The following OR1J2 variants were observed in gnomAD, a reference collection of about 807,000 sequenced individuals.
OR1J2 encodes olfactory receptor 1J2.
For missense variants in OR1J2, 304 were observed against 246.1 expected (o/e 1.24, Z -1.57); for synonymous variants, 142 against 99.7 (o/e 1.42, Z -2.52).
At chr9:122,520,372 T>C in the OR1J2 span, among the ~76,000 whole-genome samples, 1 of 152,246 alleles carries the variant, frequency 6.6e-6, no homozygotes, top group Non-Finnish European at 1.5e-5. Flanking sequence ...TTTAAATATG[T>C]TGACTAACAG....
At chr9:122,515,823 C>T (rs1828692823), downstream of OR1J2, among the ~76,000 whole-genome samples, 1 of 152,060 alleles carries the variant, frequency 6.6e-6, no homozygotes, top group Non-Finnish European at 1.5e-5. Flanking sequence ...TTGATAATTT[C>T]CTGCCTGTAA....
the OR1J2 span, among the ~76,000 whole-genome samples, chr9:122,532,930 A>G: frequency 1.3e-5 from 2 of 152,054 alleles, no homozygotes; most frequent in South Asian, 2.1e-4. Context: ...TTTTATGAGA[A>G]TTATGCCGAG....
the OR1J2 span, among the ~76,000 whole-genome samples, chr9:122,463,627 T>C: frequency 6.6e-6 from 1 of 152,180 alleles, no homozygotes; most frequent in Non-Finnish European, 1.5e-5. Flanking sequence ...GCTCCCTTGA[T>C]GTGGTGCTCT....
the OR1J2 span, among the ~76,000 whole-genome samples, chr9:122,559,657 T>A: frequency 1.8e-4 from 28 of 151,744 alleles, no homozygotes; most frequent in East Asian, 5.0e-3. Context: ...TAATCTTGAG[T>A]TCTAATTTGA....
the OR1J2 span, among the ~76,000 whole-genome samples, chr9:122,531,105 G>A: frequency 2.0e-5 from 3 of 152,144 alleles, no homozygotes; most frequent in African/African-American, 4.8e-5. Context: ...GATAATGGGC[G>A]ATGTTTCTCA....
At chr9:122,512,750 T>C (rs1417728677), downstream of OR1J2, among the ~76,000 whole-genome samples, 1 of 152,202 alleles carries the variant, frequency 6.6e-6, no homozygotes. Flanking sequence ...AGCCAAAGTT[T>C]GGAAAAAAAT....
chr9:122,576,071 C>A, the OR1J2 span, among the ~76,000 whole-genome samples: 3 of 152,250 alleles, frequency 2.0e-5, no homozygotes, highest in Non-Finnish European at 1.5e-5. Context: ...AGATCTACTT[C>A]TTTAAGTCTT....
At chr9:122,569,297 G>C in the OR1J2 span, among the ~76,000 whole-genome samples, 1 of 152,054 alleles carries the variant, frequency 6.6e-6, no homozygotes, top group Admixed American at 6.6e-5. Context: ...CCATTGTTAA[G>C]TGTTAAATCT....
chr9:122,534,007 G>T, the OR1J2 span, among the ~76,000 whole-genome samples: 1 of 152,210 alleles, frequency 6.6e-6, no homozygotes, highest in Admixed American at 6.5e-5. Flanking sequence ...CTGATTTTCA[G>T]TGGGGTCCAG....
chr9:122,471,129 G>A, the OR1J2 span, among the ~76,000 whole-genome samples: 1 of 152,110 alleles, frequency 6.6e-6, no homozygotes, highest in Admixed American at 6.5e-5. Flanking sequence ...GGGGCCAGGG[G>A]TGGAATGATA....
the OR1J2 span, among the ~76,000 whole-genome samples, chr9:122,484,761 G>A: frequency 9.3e-5 from 14 of 151,082 alleles, no homozygotes; most frequent in Non-Finnish European, 1.8e-4. Flanking sequence ...GACTAGGTGC[G>A]TTGGCTCACA....
downstream of OR1J2, among the ~76,000 whole-genome samples, chr9:122,516,103 T>C (rs1039785663): frequency 6.6e-6 from 1 of 152,078 alleles, no homozygotes; most frequent in African/African-American, 2.4e-5. Flanking sequence ...AAGCTGAGGC[T>C]CCTAAGATGT....
chr9:122,467,051 T>G, the OR1J2 span, among the ~76,000 whole-genome samples: 4 of 152,096 alleles, frequency 2.6e-5, no homozygotes, highest in Admixed American at 2.6e-4. Context: ...GGTCTCGAAC[T>G]CCAGACCTCA....
chr9:122,553,972 T>C, the OR1J2 span: 1 of 1,613,824 alleles, frequency 6.2e-7, no homozygotes, highest in South Asian at 1.1e-5. Flanking sequence ...GTTCTGCTCT[T>C]CTATGGGTCT....
downstream of OR1J2, among the ~76,000 whole-genome samples, chr9:122,512,092 T>C (rs1443766067): frequency 6.6e-6 from 1 of 152,168 alleles, no homozygotes; most frequent in East Asian, 1.9e-4. Flanking sequence ...CAACATAGAA[T>C]TGAAAGAATT....
At chr9:122,497,192 G>A in the OR1J2 span, among the ~76,000 whole-genome samples, 1 of 152,156 alleles carries the variant, frequency 6.6e-6, no homozygotes, top group African/African-American at 2.4e-5. Flanking sequence ...CAGTGATCCA[G>A]TTCCTTCAAA....
At chr9:122,466,450 T>C in the OR1J2 span, among the ~76,000 whole-genome samples, 18 of 152,328 alleles carry the variant, frequency 1.2e-4, no homozygotes, top group East Asian at 3.5e-3. Flanking sequence ...TCAAGAACTT[T>C]CTCAGCTTGT....
At chr9:122,487,492 A>C in the OR1J2 span, among the ~76,000 whole-genome samples, 1 of 119,548 alleles carries the variant, frequency 8.4e-6, no homozygotes, top group East Asian at 2.6e-4. Context: ...CACACACACA[A>C]ACTGCTTAAT....
chr9:122,536,750 A>T, the OR1J2 span, among the ~76,000 whole-genome samples: 2 of 152,150 alleles, frequency 1.3e-5, no homozygotes, highest in African/African-American at 4.8e-5. Flanking sequence ...GAAAGATTAG[A>T]TAGGTTCCAG....
Sources: gnomAD v4.1 joint callset for allele counts (sites outside exome capture counted in the v4.1 genomes callset) on GRCh38, gnomAD v4.1.1 for gene constraint, MANE v1.5 for transcripts, NCBI Gene and HGNC (gene_info 2026-07-23, HGNC 2026-07-21) for gene names.